Variants in EFCAB13 observed in about 807,000 individuals in gnomAD.
EFCAB13 encodes the protein EF-hand calcium-binding domain-containing protein 13.
A neutral mutation model predicts 110.2 loss-of-function variants in EFCAB13; 91 were observed. The observed-to-expected ratio is 0.83, with a 90% CI of 0.70 to 0.98. EFCAB13 has a LOEUF of 0.98. Among genes scored for constraint, EFCAB13 ranks in the 50% least tolerant of loss-of-function variants. EFCAB13 has a pLI of 0.00. For missense variants in EFCAB13, 968 were observed against 1,119.4 expected (o/e 0.86, Z 1.93); for synonymous variants, 323 against 369.9 (o/e 0.87, Z 1.45).
chr17:47,353,307 T>G (rs2065463528), intron 9 of EFCAB13, among the ~76,000 whole-genome samples: 1 of 151,882 alleles, frequency 6.6e-6, no homozygotes, highest in Non-Finnish European at 1.5e-5. Context: ...TTTTTTTTTA[T>G]TTTTTGAGAT....
At chr17:47,355,630 T>C (rs988718006) in intron 9 of EFCAB13, among the ~76,000 whole-genome samples, 2 of 148,380 alleles carry the variant, frequency 1.3e-5, no homozygotes, top group African/African-American at 5.0e-5. Flanking sequence ...TGGAGTGCAG[T>C]GATGCGATCT....
chr17:47,331,236 TTGA>T (rs1464247930), intron 4 of EFCAB13, among the ~76,000 whole-genome samples: 6 of 152,098 alleles, frequency 3.9e-5, no homozygotes, highest in Non-Finnish European at 8.8e-5. Flanking sequence ...GTTTACTGTG[TTGA>T]TTATTATTTT....
intron 11 of EFCAB13, 142 bp downstream of exon 11, chr17:47,370,650 T>C (rs1313797070): frequency 1.8e-6 from 1 of 546,362 alleles, no homozygotes; most frequent in Non-Finnish European, 3.1e-6. Flanking sequence ...GGAGATAAAA[T>C]ATAATACTCA....
intron 4 of EFCAB13, among the ~76,000 whole-genome samples, chr17:47,332,020 T>A (rs9905308): frequency 0.58 from 87,734 of 151,998 alleles, 25,648 homozygotes; most frequent in Middle Eastern, 0.64. Context: ...GTACAGCTGC[T>A]ATAAACATCC....
chr17:47,365,967 AT>A (rs2065543223), intron 10 of EFCAB13, among the ~76,000 whole-genome samples: 1 of 152,142 alleles, frequency 6.6e-6, no homozygotes. Flanking sequence ...GATGCCAAAA[AT>A]TTTGGGTCAC....
intron 9 of EFCAB13, among the ~76,000 whole-genome samples, chr17:47,348,446 T>C (rs539343104): frequency 2.3e-4 from 35 of 152,158 alleles, no homozygotes; most frequent in Non-Finnish European, 4.6e-4. Flanking sequence ...ATAGGTATTT[T>C]TGTAAAATAG....
intron 10 of EFCAB13, among the ~76,000 whole-genome samples, chr17:47,366,873 T>C (rs2065549530): frequency 6.6e-6 from 1 of 152,212 alleles, no homozygotes; most frequent in African/African-American, 2.4e-5. Flanking sequence ...TCTTATTAGT[T>C]GACATTGGAC....
At chr17:47,366,507 A>G (rs917637629) in intron 10 of EFCAB13, among the ~76,000 whole-genome samples, 1 of 152,172 alleles carries the variant, frequency 6.6e-6, no homozygotes, top group East Asian at 1.9e-4. Context: ...CTTAATAATT[A>G]GGATCATTTT....
At chr17:47,342,295 C>CT (rs1798083252) in intron 6 of EFCAB13, among the ~76,000 whole-genome samples, 1 of 151,742 alleles carries the variant, frequency 6.6e-6, no homozygotes, top group African/African-American at 2.4e-5. Context: ...ACTGTGCTCT[C>CT]TGCTAACATT....
chr17:47,370,591 A>G, intron 11 of EFCAB13, 83 bp downstream of exon 11: 1 of 968,904 alleles, frequency 1.0e-6, no homozygotes, highest in Non-Finnish European at 1.5e-6. Context: ...GTTTTATTTT[A>G]TAAAGGGTTT....
At chr17:47,419,922 C>CTCTCCT (rs1904577402) in intron 23 of EFCAB13, among the ~76,000 whole-genome samples, 1 of 151,732 alleles carries the variant, frequency 6.6e-6, no homozygotes, top group Non-Finnish European at 1.5e-5. Flanking sequence ...TCCCCTCTCC[C>CTCTCCT]TCTCCCTCTC....
chr17:47,423,655 C>T, intron 23 of EFCAB13: 3 of 400,502 alleles, frequency 7.5e-6, no homozygotes, highest in Non-Finnish European at 1.3e-5. Context: ...CAGGTAGGTG[C>T]GGGCGGCGCG....
chr17:47,382,780 G>A (rs183018209), intron 14 of EFCAB13, among the ~76,000 whole-genome samples: 39 of 152,280 alleles, frequency 2.6e-4, no homozygotes, highest in Middle Eastern at 3.4e-3. Context: ...TTTGGTATCA[G>A]GGTGATGCTG....
chr17:47,328,516 A>G (rs571997562), intron 4 of EFCAB13, 133 bp downstream of exon 4: 193 of 687,286 alleles, frequency 2.8e-4, no homozygotes, highest in Non-Finnish European at 4.6e-4. Flanking sequence ...AGTAACTGAG[A>G]TGATGTTTGA....
chr17:47,336,292 AT>A (rs5820651), intron 5 of EFCAB13, among the ~76,000 whole-genome samples: 60,534 of 130,338 alleles, frequency 0.46, 13,916 homozygotes, highest in African/African-American at 0.62. Flanking sequence ...ACACTCGGCT[AT>A]TTTTTTTTTT....
At chr17:47,330,921 G>C (rs559556269) in intron 4 of EFCAB13, among the ~76,000 whole-genome samples, 15 of 151,796 alleles carry the variant, frequency 9.9e-5, no homozygotes, top group African/African-American at 3.6e-4. Context: ...CATCCCATCT[G>C]CACCAACATT....
intron 11 of EFCAB13, among the ~76,000 whole-genome samples, chr17:47,372,894 T>C (rs1041576477): frequency 8.5e-5 from 13 of 152,156 alleles, no homozygotes; most frequent in African/African-American, 3.1e-4. Context: ...TATGTCTTGG[T>C]GTAGTCTTGT....
At chr17:47,327,183 T>A (rs1181211375) in intron 3 of EFCAB13, among the ~76,000 whole-genome samples, 5 of 152,130 alleles carry the variant, frequency 3.3e-5, no homozygotes, top group African/African-American at 4.8e-5. Context: ...TTTGTTTTGT[T>A]TTTTTTGATA....
chr17:47,429,846 A>G lies in EFCAB13; in HGVS notation c.2523A>G (p.Gln841=), dbSNP rs758950148. 2 of 1,609,138 alleles carry G rather than the reference A, an allele frequency of 1.2e-6. No individual in the cohort carries two copies. The highest frequency in any genetic ancestry group is 1.7e-6 in the Non-Finnish European group (2 of 1,176,914). The change falls in exon 24 of 25, where the codon CAA becomes CAG. Residue 841 remains glutamine (Q), a synonymous_variant. Transcript: ENST00000331493. The stretch of plus-strand genomic sequence containing the variant: ...CACAGATACTCTTAGCTACTACCCA[A>G]ATTCTCCAGAATGATCTAGTTGATG... ...KATQILLATT[Q]ILQNDLVDVS... is the part of the protein sequence containing the mutation.
Sources: allele counts gnomAD v4.1 joint callset (sites outside exome capture counted in the v4.1 genomes callset), GRCh38; gene constraint gnomAD v4.1.1; transcripts MANE v1.5; gene names NCBI Gene and HGNC (gene_info 2026-07-23, HGNC 2026-07-21).